The following PCDHGA4 variants were observed in gnomAD, a reference collection of about 807,000 sequenced individuals.
The protein encoded by PCDHGA4 is protocadherin gamma-A4.
PCDHGA4 carries 38 observed loss-of-function variants against 54.6 expected under a neutral mutation model. The observed-to-expected ratio is 0.70, with a 90% CI of 0.54 to 0.91. PCDHGA4 has a LOEUF of 0.91. PCDHGA4 is among the 40% of genes least tolerant of loss of function. The probability of loss-of-function intolerance (pLI) is 0.00; values close to 1 mark genes in which losing one functional copy is unlikely to be tolerated. For synonymous variants in PCDHGA4, 511 were observed against 512.9 expected (o/e 1.00, Z 0.05); for missense variants, 1,298 against 1,220.9 (o/e 1.06, Z -0.94).
intron 1 of PCDHGA4, among the ~76,000 whole-genome samples, chr5:141,437,457 T>C (rs527469937): frequency 7.2e-5 from 11 of 152,358 alleles, no homozygotes; most frequent in Non-Finnish European, 1.5e-4. Flanking sequence ...GAGGAGACTA[T>C]ACTATACTTT....
At chr5:141,390,462 A>C in intron 1 of PCDHGA4, 1 of 732,308 alleles carries the variant, frequency 1.4e-6, no homozygotes, top group South Asian at 2.0e-5. Context: ...AAGTAGGAGC[A>C]ATTGTGTGGC....
chr5:141,374,295 G>A (rs758241355), intron 1 of PCDHGA4: 3 of 1,613,962 alleles, frequency 1.9e-6, no homozygotes, highest in East Asian at 2.2e-5. Context: ...TCCAGAGGTA[G>A]GATGCAGCTT....
At chr5:141,414,020 C>A in intron 1 of PCDHGA4, 1 of 1,612,618 alleles carries the variant, frequency 6.2e-7, no homozygotes. Flanking sequence ...GGAGAAGTGA[C>A]ATATTCATTC....
At chr5:141,365,450 G>C (rs763661542) in intron 1 of PCDHGA4, 2 of 1,614,010 alleles carry the variant, frequency 1.2e-6, no homozygotes, top group South Asian at 2.2e-5. Flanking sequence ...CGTACATGAT[G>C]GTGATTCTGG....
At chr5:141,408,784 A>G (rs777838376) in intron 1 of PCDHGA4, 2 of 1,612,506 alleles carry the variant, frequency 1.2e-6, no homozygotes, top group Admixed American at 1.7e-5. Context: ...ACCCAGAGTT[A>G]TCTCTGGAGA....
intron 1 of PCDHGA4, among the ~76,000 whole-genome samples, chr5:141,402,017 A>G (rs1052839882): frequency 2.0e-5 from 3 of 152,210 alleles, no homozygotes; most frequent in African/African-American, 7.2e-5. Flanking sequence ...ATGCATTTGA[A>G]TCATTGAAAC....
At position 141,357,072 on chromosome 5, in the gene PCDHGA4, C is replaced by T. The variant is rs745612694; in HGVS notation, c.1965C>T (p.Gly655=). The change falls in exon 1 of 4, where the codon GGC becomes GGT. Residue 655 remains glycine, a synonymous_variant. Coordinates refer to ENST00000571252, the MANE Select transcript of PCDHGA4 (RefSeq NM_018917.4). ...TATTTGCAGTGGGGCTGCACACAGG[C>T]GAGGTGCGCACCGCACGGGCCCTGC... The part of the protein sequence containing the change: ...PGLFAVGLHT[G]EVRTARALLD... 6.2e-7 allele frequency: 1 copy of T among 1,613,960 alleles called. No individual in the cohort carries two copies. The highest frequency in any genetic ancestry group is 8.5e-7 in the Non-Finnish European group (1 of 1,179,970).
intron 2 of PCDHGA4, among the ~76,000 whole-genome samples, chr5:141,498,747 C>T (rs1363145286): frequency 6.6e-6 from 1 of 152,106 alleles, no homozygotes; most frequent in Non-Finnish European, 1.5e-5. Context: ...GCCTGGCCAA[C>T]ATGATGAAAC....
chr5:141,361,425 G>A (rs1318279752), intron 1 of PCDHGA4: 1 of 1,614,000 alleles, frequency 6.2e-7, no homozygotes, highest in Admixed American at 1.7e-5. Flanking sequence ...GGGGCAAGCC[G>A]CCCCTCTCCT....
chr5:141,366,873 G>A (rs1764838091), intron 1 of PCDHGA4: 6 of 1,393,396 alleles, frequency 4.3e-6, no homozygotes, highest in Non-Finnish European at 5.8e-6. Flanking sequence ...CTGTATTGGA[G>A]ATTAATTTTT....
chr5:141,423,766 C>A, intron 1 of PCDHGA4: 1 of 1,110,086 alleles, frequency 9.0e-7, no homozygotes, highest in Non-Finnish European at 1.1e-6. Context: ...GGGGGTGGGG[C>A]GGCATATATT....
chr5:141,385,239 C>A lies in PCDHGA4; in HGVS notation c.2514+27618C>A, dbSNP rs367668432. On this transcript the variant is annotated intron_variant, in intron 1 of 3. Transcript: ENST00000571252. ...AGCCCAACTATGTAGACATGCTCAT[C>A]AGCCAGGAGAGCTGTGAGAAAAATG... 4 of 1,613,960 alleles carry A rather than the reference C, an allele frequency of 2.5e-6. No individual in the cohort carries two copies. The African/African-American group carries it at 5.3e-5, about 22-fold the overall frequency.
chr5:141,395,422 G>T, intron 1 of PCDHGA4: 1 of 728,826 alleles, frequency 1.4e-6, no homozygotes, highest in Non-Finnish European at 2.1e-6. Flanking sequence ...TGTTTCATTT[G>T]CTTTTAAACG....
intron 1 of PCDHGA4, among the ~76,000 whole-genome samples, chr5:141,459,619 A>G (rs995987344): frequency 6.6e-6 from 1 of 152,238 alleles, no homozygotes; most frequent in Non-Finnish European, 1.5e-5. Context: ...TTAACTTTAT[A>G]AGAAGCTGCC....
chr5:141,375,300 C>A lies in PCDHGA4; in HGVS notation c.2514+17679C>A, dbSNP rs374837091. On this transcript the variant is annotated intron_variant, in intron 1 of 3. Transcript: ENST00000571252. ...GTTGGCAATTATTATCGATTAGTGA[C>A]AAATGCAGCTCTAGACCGGGAAGAG... 1.3e-5 allele frequency: 21 copies of A among 1,613,664 alleles called. No homozygotes were observed. In the African/African-American group the frequency reaches 2.1e-4, roughly 16 times the overall value.
chr5:141,388,397 A>C, intron 1 of PCDHGA4: 1 of 1,613,956 alleles, frequency 6.2e-7, no homozygotes, highest in Non-Finnish European at 8.5e-7. Context: ...AGAATTACCA[A>C]CTCAGTCCCA....
chr5:141,404,429 G>A (rs760246804), intron 1 of PCDHGA4: 1 of 1,613,682 alleles, frequency 6.2e-7, no homozygotes, highest in East Asian at 2.2e-5. Flanking sequence ...CTCCTTGGCA[G>A]AGGATACCAT....
At chr5:141,420,314 A>C (rs1454977890) in intron 1 of PCDHGA4, 1 of 1,442,690 alleles carries the variant, frequency 6.9e-7, no homozygotes. Flanking sequence ...TTTATATTAC[A>C]ATATGCCAAT....
rs371173445 is a variant in PCDHGA4 at position 141,383,743 on chromosome 5, C to A, written c.2514+26122C>A. ...CAATGGGGAAGTGACATATTCTTTT[C>A]GGAAAATAACTCCTAAACTTCCAAA... On this transcript the variant is annotated intron_variant, in intron 1 of 3. Transcript: ENST00000571252. 2.0e-5 allele frequency: 32 copies of A among 1,613,922 alleles called. No individual in the cohort carries two copies. The South Asian group carries it at 3.3e-4, about 17-fold the overall frequency.
Sources: allele counts gnomAD v4.1 joint callset (sites outside exome capture counted in the v4.1 genomes callset), GRCh38; gene constraint gnomAD v4.1.1; transcripts MANE v1.5; gene names NCBI Gene and HGNC (gene_info 2026-07-23, HGNC 2026-07-21).